TATDN3: variants seen among roughly 807,000 people sequenced by gnomAD.
TATDN3 encodes deoxyribonuclease TATDN3.
In TATDN3, 29 loss-of-function variants were observed where a neutral mutation model predicts 40.1. The ratio of observed to expected loss-of-function variants is 0.72; its 90% confidence interval spans 0.54 to 0.99. The LOEUF (loss-of-function observed/expected upper bound fraction) is 0.99, where lower values mean the gene tolerates loss of function less well. Ranked by LOEUF, TATDN3 falls within the 50% of genes least tolerant of loss-of-function variation. TATDN3 has a pLI of 0.00. For synonymous variants in TATDN3, 105 were observed against 117.0 expected, an observed-to-expected ratio of 0.90 and a Z score of 0.66; for missense variants, 309 against 321.9, an observed-to-expected ratio of 0.96 and a Z score of 0.31.
chr1:212,814,527 A>C (rs1663082092), intron 9 of TATDN3, among the ~76,000 whole-genome samples: 1 of 152,228 alleles, frequency 6.6e-6, no homozygotes, highest in African/African-American at 2.4e-5. Flanking sequence ...TATCAATTTC[A>C]GAGATGTTAA....
At chr1:212,807,100 C>T (rs963806132) in intron 7 of TATDN3, among the ~76,000 whole-genome samples, 28 of 151,352 alleles carry the variant, frequency 1.8e-4, no homozygotes, top group African/African-American at 4.6e-4. Context: ...CCTGCCACTA[C>T]GCCCAGCTAA....
chr1:212,792,724 A>C (rs1196594950), intron 1 of TATDN3, among the ~76,000 whole-genome samples: 1 of 151,104 alleles, frequency 6.6e-6, no homozygotes, highest in African/African-American at 2.4e-5. Context: ...TCACACTTGT[A>C]ATCCTAGCAC....
chr1:212,800,994 C>T (rs899481264), intron 4 of TATDN3, among the ~76,000 whole-genome samples: 1 of 150,818 alleles, frequency 6.6e-6, no homozygotes, highest in Non-Finnish European at 1.5e-5. Flanking sequence ...TGCTTGAGGC[C>T]AGAAGTTGGA....
At chr1:212,793,355 GGT>G (rs1035097736) in intron 1 of TATDN3, among the ~76,000 whole-genome samples, 5 of 152,050 alleles carry the variant, frequency 3.3e-5, no homozygotes, top group Non-Finnish European at 7.4e-5. Context: ...TGGGATCACA[GGT>G]GTGTCCCACC....
In TATDN3 at chr1:212,815,527, AC is replaced by A; in HGVS notation, c.*372del. On this transcript the variant is annotated 3_prime_UTR_variant, in exon 10 of 10. Transcript: ENST00000366974. ...ATGAGGATGGAGTAAGCTAAAGTAT[AC>A]TTTTTTTTTTTTTTGATGGAGTTTC... The A allele has an allele frequency of 6.4e-6, 1 of 157,466 alleles. No homozygotes were observed. Among genetic ancestry groups the A allele is most frequent in the Non-Finnish European group, 1.4e-5 (1 of 72,286 alleles). 9.8% of individuals were successfully genotyped at this position (157,466 alleles called of 1,614,324 possible). A position where few individuals can be genotyped will look rare whatever the true frequency, so the allele number is the denominator to read the frequency against.
intron 4 of TATDN3, among the ~76,000 whole-genome samples, chr1:212,798,055 A>G (rs1316770399): frequency 6.6e-6 from 1 of 152,072 alleles, no homozygotes; most frequent in Admixed American, 6.6e-5. Flanking sequence ...GGCTGGACAC[A>G]GTGGCTCGTG....
chr1:212,796,609 A>T lies in TATDN3; in HGVS notation c.173+19A>T. 2 of 1,526,974 alleles carry T rather than the reference A, an allele frequency of 1.3e-6. No individual in the cohort carries two copies. Among genetic ancestry groups the T allele is most frequent in the Non-Finnish European group, 8.8e-7 (1 of 1,133,174 alleles). The allele number at this position is 1,526,974 out of a possible 1,614,324, so 94.6% of individuals were successfully genotyped here. On this transcript the variant is annotated intron_variant, in intron 3 of 9. Coordinates refer to ENST00000366974, the MANE Select transcript of TATDN3 (RefSeq NM_001042552.3). ...CAGAAAGGTGCTACTTTTAATTAAGATTTTAAAGGGTTGCTAATAAGAACA... is the reference window on the plus strand; with the variant it reads ...CAGAAAGGTGCTACTTTTAATTAAGTTTTTAAAGGGTTGCTAATAAGAACA...
At chr1:212,810,349 A>G (rs1571973304) in intron 8 of TATDN3, among the ~76,000 whole-genome samples, 2 of 151,774 alleles carry the variant, frequency 1.3e-5, no homozygotes, top group East Asian at 1.9e-4. Flanking sequence ...CGTCTCTACT[A>G]AAAATACAAA....
At chr1:212,796,803 T>C (rs1024321883) in intron 3 of TATDN3, 5 of 485,200 alleles carry the variant, frequency 1.0e-5, no homozygotes, top group Non-Finnish European at 3.6e-6. Context: ...AGTGGCGCAA[T>C]GTTGGCTCAC....
chr1:212,810,794 C>T (rs1662828587), intron 8 of TATDN3, among the ~76,000 whole-genome samples: 1 of 152,150 alleles, frequency 6.6e-6, no homozygotes, highest in Non-Finnish European at 1.5e-5. Flanking sequence ...CAACAGAAAT[C>T]ACTTCCTTGT....
rs536214677 is a variant in TATDN3, at chr1:212,815,978, C to T, written c.*822C>T. ...TTTCTCTTTAAGATAAAAATGCATA[C>T]GATTTTTACACTGATCTTAGATTTT... is the stretch of plus-strand genomic sequence containing the variant. On this transcript the variant is annotated 3_prime_UTR_variant, in exon 10 of 10. Coordinates refer to ENST00000366974, the MANE Select transcript of TATDN3 (RefSeq NM_001042552.3). The T allele has an allele frequency of 1.3e-5, 2 of 152,054 alleles. No homozygotes were observed. Among genetic ancestry groups the T allele is most frequent in the African/African-American group, 2.4e-5 (1 of 41,386 alleles). The allele number at this position is 152,054 out of a possible 1,614,324, so 9.4% of individuals were successfully genotyped here.
At chr1:212,798,847 C>T (rs1482559615) in intron 4 of TATDN3, among the ~76,000 whole-genome samples, 1 of 152,154 alleles carries the variant, frequency 6.6e-6, no homozygotes, top group African/African-American at 2.4e-5. Context: ...CTAGATGGCC[C>T]AGACAGACAG....
chr1:212,815,231 G>A lies in TATDN3; in HGVS notation c.*75G>A. 6.8e-7 allele frequency: 1 copy of A among 1,477,872 alleles called. No homozygotes were observed. Among genetic ancestry groups the A allele is most frequent in the East Asian group, 2.3e-5 (1 of 43,516 alleles). The allele number at this position is 1,477,872 out of a possible 1,614,324, so 91.5% of individuals were successfully genotyped here. ...TGAAAAATAGAAATGTTCTGATGAA[G>A]AATCTGAACTGAAGAAGCTGTTTTA... On this transcript the variant is annotated 3_prime_UTR_variant, in exon 10 of 10. Coordinates refer to ENST00000366974, the MANE Select transcript of TATDN3 (RefSeq NM_001042552.3).
In TATDN3 at chr1:212,806,309, A is replaced by G. The variant is rs1662459391; in HGVS notation, c.488-1427A>G. Among the ~76,000 whole-genome samples, 6 of 152,112 alleles carry G rather than the reference A, an allele frequency of 3.9e-5. No homozygotes were observed. The South Asian group carries it at 1.2e-3, about 32-fold the overall frequency. On this transcript the variant is annotated intron_variant, in intron 7 of 9. Coordinates refer to ENST00000366974, the MANE Select transcript of TATDN3 (RefSeq NM_001042552.3). ...AACAATTAGCTCACAGACTTCTAGA[A>G]AAGGTCTGATGGTGCAGAAAATTTA... is the stretch of plus-strand genomic sequence containing the variant.
chr1:212,796,739 CT>C (rs76166503), intron 3 of TATDN3, 149 bp downstream of exon 3: 81,433 of 499,586 alleles, frequency 0.16, 6,509 homozygotes, highest in African/African-American at 0.3. Flanking sequence ...CTACTTATTC[CT>C]TTTTTTTTTC....
intron 8 of TATDN3, among the ~76,000 whole-genome samples, chr1:212,809,567 C>T (rs1207506236): frequency 6.6e-6 from 1 of 151,972 alleles, no homozygotes; most frequent in African/African-American, 2.4e-5. Context: ...GCCTGTAGTC[C>T]CACCTACTCG....
In TATDN3 at chr1:212,815,030, G is replaced by A; in HGVS notation, c.699G>A (p.Trp233Ter). 1.2e-6 allele frequency: 2 copies of A among 1,613,632 alleles called. No individual in the cohort carries two copies. Among genetic ancestry groups the A allele is most frequent in the Non-Finnish European group, 1.7e-6 (2 of 1,179,892 alleles). Reference sequence around the variant, plus strand: ...TGTTTCAGGTACGGAATGAGCCCTGGAACATTTCTATTTCAGCAGAATATA... The same window carrying A: ...TGTTTCAGGTACGGAATGAGCCCTGAAACATTTCTATTTCAGCAGAATATA... The part of the protein sequence containing the change: ...GPEKQVRNEP[W>*]NISISAEYIA... The change falls in exon 10 of 10, where the codon TGG becomes TGA. Residue 233 changes from tryptophan to a stop codon, truncating the protein, a stop_gained. Coordinates refer to ENST00000366974, the MANE Select transcript of TATDN3 (RefSeq NM_001042552.3). LOFTEE classifies it high-confidence loss of function.
chr1:212,806,783 T>TATACACAC (rs796710955), intron 7 of TATDN3, among the ~76,000 whole-genome samples: 8 of 79,520 alleles, frequency 1.0e-4, no homozygotes, highest in East Asian at 9.0e-4. Flanking sequence ...TATATATATA[T>TATACACAC]ACACACACAC....
intron 7 of TATDN3, among the ~76,000 whole-genome samples, chr1:212,806,742 CT>C (rs1558083516): frequency 1.4e-4 from 12 of 86,206 alleles, no homozygotes; most frequent in African/African-American, 6.0e-4. Flanking sequence ...CTCTCTCTCT[CT>C]CTCCATATAT....
Sources: allele counts gnomAD v4.1 joint callset (sites outside exome capture counted in the v4.1 genomes callset), GRCh38; gene constraint gnomAD v4.1.1; transcripts MANE v1.5; gene names NCBI Gene and HGNC (gene_info 2026-07-23, HGNC 2026-07-21).